Variants in NHS observed in about 807,000 individuals in gnomAD.
NHS encodes actin remodeling regulator NHS.
A neutral mutation model predicts 72.5 loss-of-function variants in NHS; 5 were observed. The observed-to-expected ratio is 0.07, with a 90% CI of 0.04 to 0.14. The LOEUF (loss-of-function observed/expected upper bound fraction) is 0.14. Ranked by LOEUF, NHS falls within the 10% of genes least tolerant of loss-of-function variation. The pLI is 1.00. For synonymous variants in NHS, 464 were observed against 547.7 expected (o/e 0.85, Z 2.13); for missense variants, 1,072 against 1,355.7 (o/e 0.79, Z 3.29).
At chrX:17,480,981 T>C (rs983794827) in intron 1 of NHS, among the ~76,000 whole-genome samples, 2 of 111,694 alleles carry the variant, frequency 1.8e-5, no homozygotes, top group African/African-American at 6.5e-5. Context: ...GGGGTCATGA[T>C]GGCCAGTTAG....
chrX:17,693,423 C>A (rs1405018168), intron 3 of NHS, among the ~76,000 whole-genome samples: 1 of 112,238 alleles, frequency 8.9e-6, no homozygotes, highest in African/African-American at 3.2e-5. Context: ...CATTCTGGTT[C>A]AAGACCCAAA....
At position 17,376,089 on chromosome X, in the gene NHS, C is replaced by T. The variant is rs1215813903; in HGVS notation, c.332C>T (p.Ser111Leu). Reference protein sequence around the residue: ...EAAPAAGEASSAAAAAAVLLM... With the variant: ...EAAPAAGEASLAAAAAAVLLM... ...GCGCCCGCAGCCGGCGAGGCGTCCTCGGCGGCGGCGGCGGCGGCCGTGCTG... is the reference window on the plus strand; with the variant it reads ...GCGCCCGCAGCCGGCGAGGCGTCCTTGGCGGCGGCGGCGGCGGCCGTGCTG... Residue 111 changes from serine to leucine, a missense_variant, in exon 1 of 9, where the codon TCG becomes TTG. Physicochemically the swap from Ser to Leu is moderately radical, Grantham distance 145. Transcript: ENST00000676302. 4.8e-6 allele frequency: 5 copies of T among 1,049,177 alleles called. No individual in the cohort carries two copies. Among genetic ancestry groups the T allele is most frequent in the Non-Finnish European group, 6.1e-6 (5 of 819,534 alleles). 86.5% of individuals were successfully genotyped at this position (1,049,177 alleles called of 1,213,427 possible).
intron 3 of NHS, among the ~76,000 whole-genome samples, chrX:17,707,170 A>G (rs1054915199): frequency 7.2e-5 from 8 of 111,601 alleles, no homozygotes; most frequent in Admixed American, 1.9e-4. Flanking sequence ...AAGCCTCATC[A>G]GAATGATCGA....
intron 1 of NHS, among the ~76,000 whole-genome samples, chrX:17,670,407 T>C (rs767145583): frequency 8.9e-6 from 1 of 112,535 alleles, no homozygotes; most frequent in East Asian, 2.8e-4. Flanking sequence ...CTTGCCCTGA[T>C]ATTTAATTCC....
chrX:17,673,509 G>A (rs1241141870), intron 1 of NHS, among the ~76,000 whole-genome samples: 3 of 111,561 alleles, frequency 2.7e-5, no homozygotes, highest in Non-Finnish European at 3.8e-5. Context: ...TGCCTATACA[G>A]TAAGTTGGAG....
chrX:17,665,146 C>T (rs549519852), intron 1 of NHS, among the ~76,000 whole-genome samples: 1 of 108,638 alleles, frequency 9.2e-6, no homozygotes, highest in African/African-American at 3.3e-5. Flanking sequence ...TTAGTTCTAG[C>T]AGTTTTTTGT....
Position 17,376,136 on chromosome X carries a change from G to A in NHS, c.379G>A (p.Val127Ile), listed in dbSNP as rs1328642105. The change falls in exon 1 of 9, where the codon GTC (valine) becomes ATC (isoleucine). Residue 127 changes from valine to isoleucine, a missense_variant. Physicochemically the swap from Val to Ile is conservative, Grantham distance 29. Coordinates refer to ENST00000676302, the MANE Select transcript of NHS (RefSeq NM_001291867.2). ...AVLLMLDLCA[V>I]SNAALARVLR... is the part of the protein sequence containing the mutation. The stretch of plus-strand genomic sequence containing the variant: ...GCTGCTCATGCTGGACCTATGCGCG[G>A]TCAGCAACGCCGCTCTGGCCCGTGT... The A allele has an allele frequency of 8.5e-7, 1 of 1,181,534 alleles. No homozygotes were observed. The highest frequency in any genetic ancestry group is 1.8e-5 in the South Asian group (1 of 54,586).
At chrX:17,605,294 G>A (rs1427643585) in intron 1 of NHS, among the ~76,000 whole-genome samples, 16 of 111,847 alleles carry the variant, frequency 1.4e-4, no homozygotes, top group Admixed American at 1.4e-3. Flanking sequence ...TTGCTTGCCA[G>A]GAATTGTATT....
rs1292090479 is a variant in NHS, at chrX:17,425,508, G to A, written c.565+49186G>A. Among the ~76,000 whole-genome samples, 2 of 69,690 alleles carry A rather than the reference G, an allele frequency of 2.9e-5. 1 individual carries two copies. The allele number at this position is 69,690 out of a possible 115,157, so 60.5% of individuals were successfully genotyped here. ...CTGATGAGTTGCTGCCCCAGCCTTG[G>A]AACTCTTCTCAGCCAAAAAAAAAAA... On this transcript the variant is annotated intron_variant, in intron 1 of 8. Coordinates refer to ENST00000676302, the MANE Select transcript of NHS (RefSeq NM_001291867.2).
Position 17,463,946 on chromosome X carries a change from G to T in NHS, c.565+87624G>T, listed in dbSNP as rs778800381. On this transcript the variant is annotated intron_variant, in intron 1 of 8. Coordinates refer to ENST00000676302, the MANE Select transcript of NHS (RefSeq NM_001291867.2). Reference sequence around the variant, plus strand: ...AGCAGCATTCCTTTCTCCTGGGTGTGGGGCAGAACCCTCTGGAATGGGGGT... The same window carrying T: ...AGCAGCATTCCTTTCTCCTGGGTGTTGGGCAGAACCCTCTGGAATGGGGGT... Among the ~76,000 whole-genome samples, 29 of 112,311 alleles carry T rather than the reference G, an allele frequency of 2.6e-4. No individual in the cohort carries two copies. In the South Asian group the frequency reaches 0.011, roughly 42 times the overall value.
chrX:17,732,555 C>G lies in NHS; in HGVS notation c.*91C>G, dbSNP rs1281116794. The G allele has an allele frequency of 8.8e-7, 1 of 1,142,030 alleles. No individual in the cohort carries two copies. Among genetic ancestry groups the G allele is most frequent in the Non-Finnish European group, 1.2e-6 (1 of 834,239 alleles). 94.1% of individuals were successfully genotyped at this position (1,142,030 alleles called of 1,213,427 possible). On this transcript the variant is annotated 3_prime_UTR_variant, in exon 9 of 9. Coordinates refer to ENST00000676302, the MANE Select transcript of NHS (RefSeq NM_001291867.2). Reference sequence around the variant, plus strand: ...ACAGAGGACTTGGGAAAAGTCTCAACTTGATGGGGTAGCATCACTGCTAAG... The same window carrying G: ...ACAGAGGACTTGGGAAAAGTCTCAAGTTGATGGGGTAGCATCACTGCTAAG...
chrX:17,470,579 C>T (rs1005478908), intron 1 of NHS, among the ~76,000 whole-genome samples: 2 of 111,753 alleles, frequency 1.8e-5, no homozygotes, highest in Middle Eastern at 4.6e-3. Context: ...GTACTACTGG[C>T]CCTTATTTTG....
intron 1 of NHS, among the ~76,000 whole-genome samples, chrX:17,427,353 A>T (rs2064662213): frequency 8.9e-6 from 1 of 112,139 alleles, no homozygotes; most frequent in African/African-American, 3.2e-5. Flanking sequence ...GCCAAGACCT[A>T]GCATCTGCCA....
intron 1 of NHS, among the ~76,000 whole-genome samples, chrX:17,642,263 A>G (rs1189755334): frequency 1.8e-5 from 2 of 112,089 alleles, no homozygotes; most frequent in Non-Finnish European, 3.8e-5. Flanking sequence ...TATCTTTCTA[A>G]GTTTTGGTTT....
intron 1 of NHS, among the ~76,000 whole-genome samples, chrX:17,433,037 C>CT (rs950997565): frequency 6.6e-5 from 7 of 106,149 alleles, no homozygotes; most frequent in Admixed American, 2.0e-4. Context: ...TTTGCTCCCC[C>CT]TTTTTTTTTT....
At chrX:17,450,436 T>C (rs780358195) in intron 1 of NHS, among the ~76,000 whole-genome samples, 1 of 112,036 alleles carries the variant, frequency 8.9e-6, no homozygotes, top group Non-Finnish European at 1.9e-5. Context: ...GAAGCTGGTA[T>C]TGCTGTTGCT....
intron 1 of NHS, among the ~76,000 whole-genome samples, chrX:17,534,708 G>C (rs1322364993): frequency 8.9e-6 from 1 of 111,808 alleles, no homozygotes; most frequent in Non-Finnish European, 1.9e-5. Context: ...AATTTCCACA[G>C]GCCCTGGTTG....
chrX:17,691,445 G>A (rs780357559), intron 2 of NHS, among the ~76,000 whole-genome samples: 22 of 111,994 alleles, frequency 2.0e-4, no homozygotes, highest in Non-Finnish European at 3.9e-4. Flanking sequence ...TGCTCTGATT[G>A]CTTATGGGAG....
chrX:17,668,826 C>T (rs776810451), intron 1 of NHS, among the ~76,000 whole-genome samples: 1 of 111,302 alleles, frequency 9.0e-6, no homozygotes, highest in African/African-American at 3.3e-5. Flanking sequence ...GTAGCTGTGC[C>T]TCAGTCCTGC....
Sources: gnomAD v4.1 joint callset for allele counts (sites outside exome capture counted in the v4.1 genomes callset) on GRCh38, gnomAD v4.1.1 for gene constraint, MANE v1.5 for transcripts, NCBI Gene and HGNC (gene_info 2026-07-23, HGNC 2026-07-21) for gene names.